DSE: variants seen among roughly 807,000 people sequenced by gnomAD.
DSE encodes the protein dermatan-sulfate epimerase.
DSE carries 36 observed loss-of-function variants against 84.4 expected under a neutral mutation model. The ratio of observed to expected loss-of-function variants is 0.43; its 90% confidence interval spans 0.33 to 0.56. DSE has a LOEUF of 0.56. DSE is among the 20% of genes least tolerant of loss of function. DSE has a pLI of 0.06. For synonymous variants in DSE, 410 were observed against 430.1 expected (o/e 0.95, Z 0.58); for missense variants, 862 against 1,169.6 (o/e 0.74, Z 3.84).
At chr6:116,256,375 C>T (rs1404020459) in intron 1 of DSE, 1 of 152,202 alleles carries the variant, frequency 6.6e-6, no homozygotes, top group African/African-American at 2.4e-5. Flanking sequence ...ACCTGAACAG[C>T]ATGTTGCTGT....
chr6:116,413,014 G>T (rs1225543051), intron 2 of DSE, among the ~76,000 whole-genome samples: 1 of 152,048 alleles, frequency 6.6e-6, no homozygotes, highest in African/African-American at 2.4e-5. Flanking sequence ...GCTCCATGTT[G>T]CTGCGACGGA....
At chr6:116,267,683 T>A (rs1344119845) in intron 2 of DSE, among the ~76,000 whole-genome samples, 1 of 152,144 alleles carries the variant, frequency 6.6e-6, no homozygotes, top group East Asian at 1.9e-4. Context: ...AAATGTACAA[T>A]AGCATATTAG....
chr6:116,412,153 T>C (rs1782411133), intron 2 of DSE, among the ~76,000 whole-genome samples: 2 of 152,202 alleles, frequency 1.3e-5, no homozygotes, highest in African/African-American at 4.8e-5. Context: ...AAAATAAATA[T>C]TATGGGTTCA....
chr6:116,318,480 C>T (rs957823650), intron 2 of DSE, among the ~76,000 whole-genome samples: 1 of 149,482 alleles, frequency 6.7e-6, no homozygotes, highest in Non-Finnish European at 1.5e-5. Context: ...CCAGGCTGGG[C>T]AACAGAGTGA....
chr6:116,436,499 C>T lies in DSE; in HGVS notation c.2031C>T (p.His677=), dbSNP rs761096612. Residue 677 remains histidine (H), a synonymous_variant, in exon 6 of 6, where the codon CAC becomes CAT. Transcript: ENST00000644252. ...TAGATGTTCAGAGCTTCACTGTCCA[C>T]GGAGACTCTCAGCAACTGGATGTGT... is the stretch of plus-strand genomic sequence containing the variant. The part of the protein sequence containing the change: ...PSIDVQSFTV[H]GDSQQLDVFI... 36 of 1,614,050 alleles carry T rather than the reference C, an allele frequency of 2.2e-5. No homozygotes were observed. The highest frequency in any genetic ancestry group is 2.6e-5 in the Non-Finnish European group (31 of 1,180,014).
chr6:116,349,447 T>C (rs2498709), intron 2 of DSE, among the ~76,000 whole-genome samples: 3,404 of 152,284 alleles, frequency 0.022, 138 homozygotes, highest in African/African-American at 0.078. Context: ...CTTATCTCTT[T>C]TATGCAAACA....
intron 2 of DSE, among the ~76,000 whole-genome samples, chr6:116,338,995 C>T (rs1777430600): frequency 6.6e-6 from 1 of 152,208 alleles, no homozygotes; most frequent in Non-Finnish European, 1.5e-5. Flanking sequence ...TTATTTGTCT[C>T]ATGCGCCCTG....
chr6:116,337,853 A>G (rs1241764452), intron 2 of DSE, among the ~76,000 whole-genome samples: 2 of 152,184 alleles, frequency 1.3e-5, no homozygotes, highest in African/African-American at 2.4e-5. Context: ...GTTTTTAAAA[A>G]ATGGCACTGA....
chr6:116,374,959 A>G (rs938968852), intron 1 of DSE, among the ~76,000 whole-genome samples: 1 of 152,182 alleles, frequency 6.6e-6, no homozygotes, highest in Admixed American at 6.5e-5. Flanking sequence ...AAATATGTTA[A>G]GGTTTTCTCA....
chr6:116,399,730 G>A, intron 2 of DSE, 64 bp downstream of exon 2: 4 of 1,487,038 alleles, frequency 2.7e-6, no homozygotes, highest in Non-Finnish European at 3.7e-6. Context: ...AAATCCATAT[G>A]ACATCTCAGT....
intron 2 of DSE, among the ~76,000 whole-genome samples, chr6:116,364,841 T>C (rs1369387643): frequency 6.6e-6 from 1 of 151,210 alleles, no homozygotes; most frequent in African/African-American, 2.4e-5. Context: ...TTTTTTTTTT[T>C]TTTTTTTTTG....
chr6:116,376,148 G>A (rs1779912323), intron 1 of DSE, among the ~76,000 whole-genome samples: 1 of 152,108 alleles, frequency 6.6e-6, no homozygotes, highest in Non-Finnish European at 1.5e-5. Context: ...CTAGACTAAT[G>A]TAACTGGCTA....
intron 2 of DSE, among the ~76,000 whole-genome samples, chr6:116,325,854 G>A (rs537860555): frequency 7.4e-4 from 113 of 152,266 alleles, no homozygotes; most frequent in Middle Eastern, 3.4e-3. Flanking sequence ...CTCAAGAGCC[G>A]AGCTCCCTGA....
At chr6:116,428,145 C>T (rs1301577632) in intron 3 of DSE, among the ~76,000 whole-genome samples, 1 of 152,136 alleles carries the variant, frequency 6.6e-6, no homozygotes, top group Non-Finnish European at 1.5e-5. Context: ...GCCAAGATCC[C>T]ACCACTGCAC....
At chr6:116,399,797 A>T (rs1445878871) in intron 2 of DSE, 131 bp downstream of exon 2, 4 of 875,670 alleles carry the variant, frequency 4.6e-6, no homozygotes, top group Non-Finnish European at 6.8e-6. Context: ...GTTATTTGTT[A>T]TTTGTGTTGC....
intron 5 of DSE, among the ~76,000 whole-genome samples, chr6:116,434,913 C>T (rs1407808075): frequency 1.3e-5 from 2 of 152,276 alleles, no homozygotes; most frequent in African/African-American, 4.8e-5. Context: ...GTCCAAGAAG[C>T]ATGGCATCAT....
chr6:116,436,392 A>G lies in DSE; in HGVS notation c.1924A>G (p.Asn642Asp). 2 of 1,614,154 alleles carry G rather than the reference A, an allele frequency of 1.2e-6. No individual in the cohort carries two copies. The highest frequency in any genetic ancestry group is 1.7e-6 in the Non-Finnish European group (2 of 1,180,012). Residue 642 changes from asparagine (N) to aspartate (D), a missense_variant, in exon 6 of 6, where the codon AAT becomes GAT. Asn to Asp is a conservative substitution (Grantham distance 23, BLOSUM62 1). This residue lies in a region of DSE where 186 missense variants were observed against 255.1 expected (regional missense o/e 0.73). Coordinates refer to ENST00000644252, the MANE Select transcript of DSE (RefSeq NM_013352.4). Reference protein sequence around the residue: ...SVTYPRGYPYNGTNYVNVTMH... With the variant: ...SVTYPRGYPYDGTNYVNVTMH... ...GACATATCCTCGGGGCTATCCCTAC[A>G]ATGGGACAAACTATGTGAATGTCAC...
chr6:116,286,459 A>C (rs928361934), intron 2 of DSE, among the ~76,000 whole-genome samples: 1 of 152,172 alleles, frequency 6.6e-6, no homozygotes, highest in East Asian at 1.9e-4. Context: ...GCAGTTATTG[A>C]TGATCCCCAA....
chr6:116,308,823 G>A (rs1337434077), intron 2 of DSE, among the ~76,000 whole-genome samples: 9 of 151,858 alleles, frequency 5.9e-5, no homozygotes, highest in East Asian at 1.9e-4. Flanking sequence ...GACTACAGGC[G>A]CCCACCACCA....
Sources: allele counts gnomAD v4.1 joint callset (sites outside exome capture counted in the v4.1 genomes callset), GRCh38; gene constraint gnomAD v4.1.1; regional missense constraint gnomAD v4.1.1; transcripts MANE v1.5; gene names NCBI Gene and HGNC (gene_info 2026-07-23, HGNC 2026-07-21).